HDAC9: variants seen among roughly 807,000 people sequenced by gnomAD.
HDAC9 encodes MEF-2 interacting transcription repressor (MITR) protein.
HDAC9 carries 41 observed loss-of-function variants against 139.4 expected under a neutral mutation model. The ratio of observed to expected loss-of-function variants is 0.29; its 90% CI spans 0.23 to 0.38. HDAC9 has a LOEUF of 0.38. Among genes scored for constraint, HDAC9 ranks in the 10% least tolerant of loss-of-function variants. The pLI, the probability that HDAC9 is intolerant of heterozygous loss-of-function variation, is 1.00. For missense variants in HDAC9, 1,147 were observed against 1,297.0 expected, an observed-to-expected ratio of 0.88 and a Z score of 1.78; for synonymous variants, 517 against 476.2, an observed-to-expected ratio of 1.09 and a Z score of -1.12.
At chr7:18,694,322 C>A (rs1229823777) in intron 12 of HDAC9, among the ~76,000 whole-genome samples, 11 of 152,306 alleles carry the variant, frequency 7.2e-5, no homozygotes, top group East Asian at 3.9e-4. Context: ...GTGTTGATTT[C>A]TTCTCCTTCC....
intron 17 of HDAC9, among the ~76,000 whole-genome samples, chr7:18,795,257 TAAA>T (rs5882676): frequency 0.2 from 13,474 of 66,004 alleles, 960 homozygotes; most frequent in Middle Eastern, 0.34. Flanking sequence ...AAGAAAACAG[TAAA>T]AAAAAAAAAA....
rs1786621517 is a variant in HDAC9 at position 18,999,102 on chromosome 7, A to G, written c.*3040A>G. 6.6e-6 allele frequency: 1 copy of G among 152,228 alleles called. No homozygotes were observed. Among genetic ancestry groups the G allele is most frequent in the Admixed American group, 6.5e-5 (1 of 15,284 alleles). 9.4% of individuals were successfully genotyped at this position (152,228 alleles called of 1,614,324 possible). Reference sequence around the variant, plus strand: ...TTATAACATCAATAGTGGAGACAGAAGTCAGCTTTGGAGAAAATAGAGATA... The same window carrying G: ...TTATAACATCAATAGTGGAGACAGAGGTCAGCTTTGGAGAAAATAGAGATA... On this transcript the variant is annotated 3_prime_UTR_variant, in exon 26 of 26. Coordinates refer to ENST00000686413, the MANE Select transcript of HDAC9 (RefSeq NM_178425.4).
chr7:18,633,253 T>A (rs1782882621), intron 7 of HDAC9, among the ~76,000 whole-genome samples: 1 of 152,042 alleles, frequency 6.6e-6, no homozygotes, highest in Non-Finnish European at 1.5e-5. Flanking sequence ...AGAAAGGATG[T>A]GGAAAGGAAT....
At chr7:18,682,602 C>A (rs1351095430) in intron 12 of HDAC9, among the ~76,000 whole-genome samples, 1 of 151,786 alleles carries the variant, frequency 6.6e-6, no homozygotes, top group Non-Finnish European at 1.5e-5. Flanking sequence ...GAAATGCAGT[C>A]CTTTTTTTTA....
At chr7:18,993,516 T>A (rs944045951) in intron 25 of HDAC9, among the ~76,000 whole-genome samples, 7 of 152,142 alleles carry the variant, frequency 4.6e-5, no homozygotes, top group African/African-American at 1.7e-4. Context: ...CTGGGGAGAA[T>A]TGAGGCTAGA....
intron 22 of HDAC9, among the ~76,000 whole-genome samples, chr7:18,896,872 G>A (rs912512923): frequency 6.6e-6 from 1 of 151,804 alleles, no homozygotes; most frequent in East Asian, 1.9e-4. Context: ...TACTACAATG[G>A]GTATCTATGG....
chr7:18,616,657 A>G (rs994029685), intron 6 of HDAC9, among the ~76,000 whole-genome samples: 1 of 152,238 alleles, frequency 6.6e-6, no homozygotes, highest in South Asian at 2.1e-4. Flanking sequence ...TAAAGGTTAT[A>G]AAATCAAAAC....
At chr7:18,655,374 A>T (rs991728351) in intron 11 of HDAC9, among the ~76,000 whole-genome samples, 1 of 152,170 alleles carries the variant, frequency 6.6e-6, no homozygotes, top group Non-Finnish European at 1.5e-5. Flanking sequence ...TTATTTATCT[A>T]TCTATAGAGG....
intron 12 of HDAC9, among the ~76,000 whole-genome samples, chr7:18,670,401 C>G (rs35094737): frequency 0.01 from 1,553 of 152,112 alleles, 15 homozygotes; most frequent in Non-Finnish European, 0.016. Flanking sequence ...GTTGTTACAT[C>G]TAATTTTATA....
chr7:18,555,376 G>A lies in HDAC9; in HGVS notation c.23-29905G>A, dbSNP rs923232702. Among the ~76,000 whole-genome samples the A allele has an allele frequency of 1.9e-4, 29 of 152,288 alleles. No individual in the cohort carries two copies. The East Asian group carries it at 4.6e-3, about 24-fold the overall frequency. ...ATTCCGAAGTCTTCAAGAAGTCTGG[G>A]GAATGGGAGCTTGGTTAATTATTGA... On this transcript the variant is annotated intron_variant, in intron 2 of 25. Coordinates refer to ENST00000686413, the MANE Select transcript of HDAC9 (RefSeq NM_178425.4).
At chr7:18,770,566 C>T (rs912103573) in intron 16 of HDAC9, among the ~76,000 whole-genome samples, 11 of 152,124 alleles carry the variant, frequency 7.2e-5, no homozygotes, top group African/African-American at 2.7e-4. Context: ...AAAGCAAGGA[C>T]GAGCAGGCTT....
In HDAC9 at chr7:18,297,328, T is replaced by C. The variant is rs139022940; in HGVS notation, c.-42+6813T>C. Reference sequence around the variant, plus strand: ...CGGGCTGTCTTTACAATATATGTTATGGTAGGGGATTATTAGGCTGGCACA... The same window carrying C: ...CGGGCTGTCTTTACAATATATGTTACGGTAGGGGATTATTAGGCTGGCACA... On this transcript the variant is annotated intron_variant, in intron 1 of 3. Coordinates refer to the HDAC9 transcript ENST00000413509. Among the ~76,000 whole-genome samples, 981 of 152,304 alleles carry C rather than the reference T, an allele frequency of 6.4e-3. 12 individuals are homozygous for C. Among genetic ancestry groups the C allele is most frequent in the African/African-American group, 0.022 (923 of 41,566 alleles).
chr7:18,381,463 A>G (rs1415357369), intron 1 of HDAC9, among the ~76,000 whole-genome samples: 1 of 152,002 alleles, frequency 6.6e-6, no homozygotes, highest in Non-Finnish European at 1.5e-5. Context: ...TTTAAAAGAA[A>G]AATCAACTTT....
At chr7:18,311,777 A>G (rs967684720) in intron 1 of HDAC9, among the ~76,000 whole-genome samples, 1 of 152,210 alleles carries the variant, frequency 6.6e-6, no homozygotes, top group Middle Eastern at 3.2e-3. Flanking sequence ...AATTTTCTAA[A>G]TAGAAGGATT....
At chr7:18,904,985 G>A (rs1332614404) in intron 22 of HDAC9, among the ~76,000 whole-genome samples, 1 of 151,990 alleles carries the variant, frequency 6.6e-6, no homozygotes, top group Non-Finnish European at 1.5e-5. Flanking sequence ...TACAACATCC[G>A]CCTCCAGGGT....
intron 1 of HDAC9, among the ~76,000 whole-genome samples, chr7:18,402,430 G>C (rs960316312): frequency 6.6e-6 from 1 of 152,148 alleles, no homozygotes; most frequent in African/African-American, 2.4e-5. Context: ...CTGTGCAAAG[G>C]CATGAGACAG....
intron 1 of HDAC9, among the ~76,000 whole-genome samples, chr7:18,133,246 A>G (rs1785145122): frequency 6.6e-6 from 1 of 152,226 alleles, no homozygotes; most frequent in Admixed American, 6.5e-5. Context: ...TCAGTAAAAT[A>G]CAGGATTAAT....
chr7:18,758,089 A>G (rs1789042981), intron 14 of HDAC9, among the ~76,000 whole-genome samples: 1 of 152,202 alleles, frequency 6.6e-6, no homozygotes. Context: ...CAATGAACAC[A>G]GTCCTACATC....
chr7:18,777,219 T>A (rs573113355), intron 16 of HDAC9, among the ~76,000 whole-genome samples: 1 of 152,142 alleles, frequency 6.6e-6, no homozygotes, highest in East Asian at 1.9e-4. Context: ...GTCCCTGGAA[T>A]GTTATGTGGA....
Sources: gnomAD v4.1 joint callset for allele counts (sites outside exome capture counted in the v4.1 genomes callset) on GRCh38, gnomAD v4.1.1 for gene constraint, MANE v1.5 for transcripts, NCBI Gene and HGNC (gene_info 2026-07-23, HGNC 2026-07-21) for gene names.